Variants in HRH1 observed in about 807,000 individuals in gnomAD.
HRH1 encodes the protein histamine H1 receptor.
A neutral mutation model predicts 10.3 loss-of-function variants in HRH1; 6 were observed. That is an observed-to-expected ratio of 0.58 (90% CI 0.32 to 1.15). The LOEUF is 1.15. Ranked by LOEUF, HRH1 falls within the 50% of genes most tolerant of loss-of-function variation. The probability of loss-of-function intolerance (pLI) is 0.05; values close to 1 mark genes in which losing one functional copy is unlikely to be tolerated. For synonymous variants in HRH1, 242 were observed against 236.7 expected, an observed-to-expected ratio of 1.02 and a Z score of -0.21; for missense variants, 514 against 615.3, an observed-to-expected ratio of 0.84 and a Z score of 1.74.
At chr3:11,145,187 C>T (rs1574969258) in intron 1 of HRH1, among the ~76,000 whole-genome samples, 1 of 152,134 alleles carries the variant, frequency 6.6e-6, no homozygotes, top group Non-Finnish European at 1.5e-5. Context: ...CACAACTCTG[C>T]GGGGCCTCCC....
upstream of HRH1, among the ~76,000 whole-genome samples, chr3:11,153,813 C>G (rs1008709592): frequency 6.6e-6 from 1 of 152,100 alleles, no homozygotes; most frequent in African/African-American, 2.4e-5. Context: ...CTAATTAAAA[C>G]ACATCCTATT....
chr3:11,226,135 C>T (rs1938873035), intron 1 of HRH1: 1 of 152,094 alleles, frequency 6.6e-6, no homozygotes, highest in African/African-American at 2.4e-5. Flanking sequence ...TAAGGTGAGA[C>T]CAGGTGGAAA....
intron 1 of HRH1, among the ~76,000 whole-genome samples, chr3:11,256,136 G>A (rs1575046706): frequency 6.6e-6 from 1 of 152,192 alleles, no homozygotes; most frequent in South Asian, 2.1e-4. Context: ...CGACAGCACA[G>A]AGTGACAGGA....
intron 1 of HRH1, among the ~76,000 whole-genome samples, chr3:11,248,148 C>G (rs771778993): frequency 8.5e-5 from 13 of 152,180 alleles, no homozygotes; most frequent in Non-Finnish European, 1.5e-4. Flanking sequence ...CAAACTCCGC[C>G]TTTTTCAGCT....
intron 1 of HRH1, among the ~76,000 whole-genome samples, chr3:11,163,243 C>T (rs1163751427): frequency 1.3e-5 from 2 of 152,148 alleles, no homozygotes; most frequent in Non-Finnish European, 2.9e-5. Flanking sequence ...GCTTCTCTAC[C>T]TCCAGGCAGC....
At chr3:11,189,281 G>A (rs1937503350) in intron 1 of HRH1, among the ~76,000 whole-genome samples, 1 of 152,154 alleles carries the variant, frequency 6.6e-6, no homozygotes, top group Non-Finnish European at 1.5e-5. Context: ...AGTGGGTAGG[G>A]GAACGGCTCT....
chr3:11,164,057 TTGAA>T lies in HRH1; in HGVS notation c.-36+9527_-36+9530del, dbSNP rs60430122. ...ATAGTGCACTCTCTGGAGATACTTG[TTGAA>T]TGAATGAATGAATGAATGAATGAGT... On this transcript the variant is annotated intron_variant, in intron 1 of 1. Coordinates refer to ENST00000431010, the MANE Select transcript of HRH1 (RefSeq NM_001098212.2). Among the ~76,000 whole-genome samples the T allele has an allele frequency of 4.0e-3, 602 of 152,106 alleles. 7 individuals are homozygous for T. The highest frequency in any genetic ancestry group is 0.014 in the African/African-American group (570 of 41,470).
chr3:11,211,937 T>C (rs1938339856), intron 1 of HRH1, among the ~76,000 whole-genome samples: 1 of 152,142 alleles, frequency 6.6e-6, no homozygotes, highest in African/African-American at 2.4e-5. Flanking sequence ...CCGGGCTTCC[T>C]CCCAGACCTC....
At chr3:11,153,842 C>G (rs1936709328), upstream of HRH1, among the ~76,000 whole-genome samples, 1 of 152,110 alleles carries the variant, frequency 6.6e-6, no homozygotes, top group African/African-American at 2.4e-5. Context: ...TGGGCTCATT[C>G]ATCAGGACGG....
At chr3:11,225,468 G>A (rs1403175264) in intron 1 of HRH1, among the ~76,000 whole-genome samples, 3 of 152,172 alleles carry the variant, frequency 2.0e-5, no homozygotes, top group Admixed American at 6.5e-5. Context: ...AGGTAGCCCC[G>A]AGGGATGATC....
In HRH1 at chr3:11,260,109, T is replaced by G. The variant is rs1360934206; in HGVS notation, c.1072T>G (p.Phe358Val). The G allele has an allele frequency of 6.2e-7, 1 of 1,608,352 alleles. No individual in the cohort carries two copies. Among genetic ancestry groups the G allele is most frequent in the Admixed American group, 1.7e-5 (1 of 59,872 alleles). ...TCAGATGTTAGGTGATAGCCAATCCTTCTCTCGAACGGACTCAGATACCAC... is the reference window on the plus strand; with the variant it reads ...TCAGATGTTAGGTGATAGCCAATCCGTCTCTCGAACGGACTCAGATACCAC... The part of the protein sequence containing the change: ...EDQMLGDSQS[F>V]SRTDSDTTTE... Residue 358 changes from phenylalanine to valine, a missense_variant, in exon 2 of 2, where the codon TTC (phenylalanine) becomes GTC (valine). Physicochemically the swap from Phe to Val is conservative, Grantham distance 50. Transcript: ENST00000431010.
chr3:11,211,904 G>A (rs1212040585), intron 1 of HRH1, among the ~76,000 whole-genome samples: 1 of 152,198 alleles, frequency 6.6e-6, no homozygotes, highest in East Asian at 1.9e-4. Context: ...ATCATTGGAG[G>A]TTCTCTATTT....
At chr3:11,222,881 A>G (rs531833847) in intron 1 of HRH1, among the ~76,000 whole-genome samples, 4 of 151,960 alleles carry the variant, frequency 2.6e-5, no homozygotes, top group Non-Finnish European at 5.9e-5. Flanking sequence ...TTTCAGAGCC[A>G]CTCTTTTAAA....
chr3:11,165,981 C>T (rs1475676986), intron 1 of HRH1, among the ~76,000 whole-genome samples: 2 of 152,152 alleles, frequency 1.3e-5, no homozygotes, highest in Admixed American at 6.5e-5. Flanking sequence ...GTTTCGTTTG[C>T]TCCCCTAAAC....
chr3:11,142,870 C>T (rs181196009), intron 1 of HRH1, among the ~76,000 whole-genome samples: 14 of 151,820 alleles, frequency 9.2e-5, no homozygotes, highest in Admixed American at 2.6e-4. Context: ...GCCAAGATCA[C>T]GCCACTGCAC....
At chr3:11,213,022 C>T (rs1938378186) in intron 1 of HRH1, among the ~76,000 whole-genome samples, 1 of 152,196 alleles carries the variant, frequency 6.6e-6, no homozygotes, top group Non-Finnish European at 1.5e-5. Context: ...GATCTCCGCT[C>T]AAATGTTGCC....
intron 1 of HRH1, among the ~76,000 whole-genome samples, chr3:11,148,810 CTTTTTTTTTT>C (rs755029776): frequency 3.6e-5 from 3 of 84,418 alleles, no homozygotes; most frequent in African/African-American, 1.4e-4. Flanking sequence ...AAACCACAGT[CTTTTTTTTTT>C]TTTTTTTTTT....
At chr3:11,231,960 T>G (rs1212051842) in intron 1 of HRH1, among the ~76,000 whole-genome samples, 2 of 152,110 alleles carry the variant, frequency 1.3e-5, no homozygotes, top group Non-Finnish European at 2.9e-5. Flanking sequence ...AGTTTACATT[T>G]TACACTTAAT....
intron 1 of HRH1, among the ~76,000 whole-genome samples, chr3:11,145,257 C>A (rs1012535636): frequency 6.6e-6 from 1 of 152,204 alleles, no homozygotes; most frequent in Non-Finnish European, 1.5e-5. Context: ...TCTGTGGCTT[C>A]GTCGTTTTGT....
Sources: allele counts gnomAD v4.1 joint callset (sites outside exome capture counted in the v4.1 genomes callset), GRCh38; gene constraint gnomAD v4.1.1; transcripts MANE v1.5; gene names NCBI Gene and HGNC (gene_info 2026-07-23, HGNC 2026-07-21).